The following BLOC1S3 variants were observed in gnomAD, a reference collection of about 807,000 sequenced individuals.
The protein encoded by BLOC1S3 is biogenesis of lysosomal organelles complex 1 subunit 3.
In BLOC1S3, 7 loss-of-function variants were observed where a neutral mutation model predicts 9.1. The observed-to-expected ratio is 0.77, with a 90% CI of 0.44 to 1.45. The LOEUF is 1.45. BLOC1S3 is among the 40% of genes most tolerant of loss of function. The pLI is 0.01. For synonymous variants in BLOC1S3, 145 were observed against 158.4 expected (o/e 0.92, Z 0.64); for missense variants, 307 against 315.2 (o/e 0.97, Z 0.20).
At position 45,179,840 on chromosome 19, in the gene BLOC1S3, C is replaced by T; in HGVS notation, c.544C>T (p.Leu182=). 6.2e-7 allele frequency: 1 copy of T among 1,608,962 alleles called. No individual in the cohort carries two copies. Among genetic ancestry groups the T allele is most frequent in the Non-Finnish European group, 8.5e-7 (1 of 1,178,580 alleles). The stretch of plus-strand genomic sequence containing the variant: ...TCTGGACATCGTGGCTGGCTGCCGC[C>T]TGCTGCCGGACATCCGCGGCGTGCC... ...ERLDIVAGCR[L]LPDIRGVPGT... Residue 182 remains leucine, a synonymous_variant, in exon 2 of 2, where the codon CTG becomes TTG. Coordinates refer to ENST00000433642, the MANE Select transcript of BLOC1S3 (RefSeq NM_212550.5). This position sits in a 1 kb window ranked among gnomAD's most constrained non-coding sequence, Gnocchi z 4.6.
intron 2 of BLOC1S3, among the ~76,000 whole-genome samples, chr19:45,188,040 T>A (rs1476915546): frequency 3.9e-5 from 6 of 152,090 alleles, no homozygotes; most frequent in Non-Finnish European, 5.9e-5. Context: ...CATTTTTTTT[T>A]GAGAGAGAGC....
chr19:45,199,605 C>T (rs552647298), intron 2 of BLOC1S3, among the ~76,000 whole-genome samples: 20 of 151,396 alleles, frequency 1.3e-4, no homozygotes, highest in Admixed American at 8.6e-4. Context: ...TGAGCCACTG[C>T]GCCTGGCCTT....
chr19:45,194,279 ATTTTTGTATTTTT>A (rs1212217046), intron 2 of BLOC1S3, among the ~76,000 whole-genome samples: 16 of 150,298 alleles, frequency 1.1e-4, no homozygotes, highest in African/African-American at 3.7e-4. Context: ...TGTCTGCCTA[ATTTTTGTATTTTT>A]AGTAGAGATG....
chr19:45,186,576 G>C (rs563215836), downstream of BLOC1S3, among the ~76,000 whole-genome samples: 18 of 152,076 alleles, frequency 1.2e-4, no homozygotes, highest in Non-Finnish European at 2.2e-4. Flanking sequence ...GTGGTGGCAC[G>C]CACCTGTAAT....
chr19:45,201,884 A>T (rs912535792), intron 2 of BLOC1S3, among the ~76,000 whole-genome samples: 7 of 151,254 alleles, frequency 4.6e-5, no homozygotes, highest in Admixed American at 4.6e-4. Flanking sequence ...ATAAGGGGAA[A>T]CCCCTTTGGC....
intron 3 of BLOC1S3, among the ~76,000 whole-genome samples, chr19:45,203,968 TG>T (rs1969709244): frequency 6.6e-6 from 1 of 152,046 alleles, no homozygotes; most frequent in African/African-American, 2.4e-5. Flanking sequence ...CAGTCAAATA[TG>T]ACATCTCATG....
chr19:45,189,557 C>T (rs537501963), intron 2 of BLOC1S3, among the ~76,000 whole-genome samples: 32 of 150,494 alleles, frequency 2.1e-4, no homozygotes, highest in South Asian at 1.9e-3. Context: ...CTAAGCCTCC[C>T]GAATAGCTGA....
At chr19:45,207,486 C>G (rs1969735763) in intron 3 of BLOC1S3, among the ~76,000 whole-genome samples, 1 of 142,454 alleles carries the variant, frequency 7.0e-6, no homozygotes, top group Non-Finnish European at 1.5e-5. Context: ...TCTTTAACTT[C>G]TCGCAGTCTA....
At chr19:45,205,911 G>A (rs978190202) in intron 3 of BLOC1S3, among the ~76,000 whole-genome samples, 24 of 152,226 alleles carry the variant, frequency 1.6e-4, no homozygotes, top group African/African-American at 5.5e-4. Flanking sequence ...ATCCTCAGTC[G>A]TTAGAGAAAC....
Position 45,181,158 on chromosome 19 carries a change from C to T in BLOC1S3, c.*1253C>T, listed in dbSNP as rs576936281. On this transcript the variant is annotated 3_prime_UTR_variant, in exon 2 of 2. Coordinates refer to ENST00000433642, the MANE Select transcript of BLOC1S3 (RefSeq NM_212550.5). ...GCCCTCTCAGCCTGATTTCTGTTTC[C>T]CAAGTCCAGCAGTGTCGTGGGATAG... The T allele has an allele frequency of 2.9e-4, 48 of 167,648 alleles. No individual in the cohort carries two copies. Among genetic ancestry groups the T allele is most frequent in the South Asian group, 4.1e-4 (2 of 4,860 alleles). The allele number at this position is 167,648 out of a possible 1,614,324, so 10.4% of individuals were successfully genotyped here. A position where few individuals can be genotyped will look rare whatever the true frequency, so the allele number is the denominator to read the frequency against.
chr19:45,205,183 T>G (rs367920668), intron 3 of BLOC1S3, among the ~76,000 whole-genome samples: 1 of 147,726 alleles, frequency 6.8e-6, no homozygotes, highest in African/African-American at 2.5e-5. Context: ...TGTGTGTGTG[T>G]GAGACGGAGT....
intron 2 of BLOC1S3, among the ~76,000 whole-genome samples, chr19:45,189,374 T>C (rs1426572824): frequency 3.9e-5 from 6 of 152,098 alleles, no homozygotes; most frequent in Non-Finnish European, 8.8e-5. Context: ...TAGGATTCTT[T>C]CTTTATCCTT....
chr19:45,202,920 C>T (rs1969701960), intron 3 of BLOC1S3, among the ~76,000 whole-genome samples: 1 of 152,062 alleles, frequency 6.6e-6, no homozygotes, highest in South Asian at 2.1e-4. Flanking sequence ...CCTTCTGGTC[C>T]AGGGTGTGTC....
chr19:45,184,189 A>G (rs972872182), downstream of BLOC1S3, among the ~76,000 whole-genome samples: 5 of 151,990 alleles, frequency 3.3e-5, no homozygotes, highest in Non-Finnish European at 7.4e-5. Context: ...CCTGGCCTCA[A>G]TGGATCTTCC....
intron 3 of BLOC1S3, among the ~76,000 whole-genome samples, chr19:45,213,666 T>A (rs1262558464): frequency 2.0e-5 from 3 of 152,022 alleles, no homozygotes; most frequent in African/African-American, 7.2e-5. Context: ...CCTTCTCAGC[T>A]GGGTGCCGTG....
intron 3 of BLOC1S3, among the ~76,000 whole-genome samples, chr19:45,205,678 A>G (rs1193403055): frequency 6.6e-6 from 1 of 152,128 alleles, no homozygotes; most frequent in Non-Finnish European, 1.5e-5. Context: ...GCTCTTCAAC[A>G]AACATTATTA....
At chr19:45,215,146 A>G (rs549905935) in intron 3 of BLOC1S3, among the ~76,000 whole-genome samples, 27 of 152,160 alleles carry the variant, frequency 1.8e-4, no homozygotes, top group African/African-American at 6.5e-4. Flanking sequence ...GTCTCAAAAA[A>G]CAAAACAAAA....
chr19:45,200,505 T>C (rs1275560212), intron 2 of BLOC1S3, among the ~76,000 whole-genome samples: 2 of 152,188 alleles, frequency 1.3e-5, no homozygotes, highest in Non-Finnish European at 2.9e-5. Flanking sequence ...TTTTTAAAAA[T>C]TATTTCAATC....
rs975466027 is a variant in BLOC1S3 at position 45,187,984 on chromosome 19, G to T, written n.180+244G>T. Among the ~76,000 whole-genome samples, 412 of 152,114 alleles carry T rather than the reference G, an allele frequency of 2.7e-3. 2 individuals are homozygous for T. Among genetic ancestry groups the T allele is most frequent in the African/African-American group, 9.4e-3 (392 of 41,500 alleles). On this transcript the variant is annotated intron_variant and non_coding_transcript_variant, in intron 2 of 3. Transcript: ENST00000591569. ...TAACAATTACAACATAGAAAATGGGGTATCCACTCCCTCAAGCATTTACTC... is the reference window on the plus strand; with the variant it reads ...TAACAATTACAACATAGAAAATGGGTTATCCACTCCCTCAAGCATTTACTC...
Sources: gnomAD v4.1 joint callset for allele counts (sites outside exome capture counted in the v4.1 genomes callset) on GRCh38, gnomAD v4.1.1 for gene constraint, Gnocchi (gnomAD v3.1) non-coding constraint, MANE v1.5 for transcripts, NCBI Gene and HGNC (gene_info 2026-07-23, HGNC 2026-07-21) for gene names.